CCDC7: variants seen among roughly 807,000 people sequenced by gnomAD.
CCDC7 encodes the protein coiled-coil domain containing 7, also known as coiled-coil domain-containing protein 7.
Under a neutral mutation model 196.9 loss-of-function variants are expected in CCDC7, and 183 were observed. The observed-to-expected ratio is 0.93, with a 90% CI of 0.82 to 1.05. The LOEUF (loss-of-function observed/expected upper bound fraction) is 1.05, where lower values mean the gene tolerates loss of function less well. CCDC7 is among the 50% of genes least tolerant of loss of function. CCDC7 has a pLI of 0.00. For missense variants in CCDC7, 1,540 were observed against 1,482.2 expected (o/e 1.04, Z -0.64); for synonymous variants, 525 against 484.6 (o/e 1.08, Z -1.10).
At chr10:32,761,676 C>T (rs908692728) in intron 28 of CCDC7, among the ~76,000 whole-genome samples, 6 of 151,966 alleles carry the variant, frequency 3.9e-5, no homozygotes, top group Admixed American at 2.6e-4. Flanking sequence ...TCCAGAGTCT[C>T]ATCCTGTGAG....
At chr10:32,492,715 C>T (rs1438636757) in intron 9 of CCDC7, among the ~76,000 whole-genome samples, 3 of 151,992 alleles carry the variant, frequency 2.0e-5, no homozygotes, top group African/African-American at 4.8e-5. Context: ...TTGTTTGATG[C>T]ACACAAAGCT....
At chr10:32,557,197 T>C (rs1589841050) in intron 13 of CCDC7, among the ~76,000 whole-genome samples, 1 of 152,110 alleles carries the variant, frequency 6.6e-6, no homozygotes, top group East Asian at 1.9e-4. Context: ...TTCATTTTTT[T>C]CTGCTGAGAA....
At chr10:32,502,471 G>A (rs996284515) in intron 9 of CCDC7, among the ~76,000 whole-genome samples, 4 of 152,020 alleles carry the variant, frequency 2.6e-5, no homozygotes, top group South Asian at 2.1e-4. Flanking sequence ...TGTTGATCTC[G>A]CTGGGAGCTG....
intron 32 of CCDC7, among the ~76,000 whole-genome samples, chr10:32,826,116 G>A (rs1430775617): frequency 2.0e-5 from 3 of 152,154 alleles, no homozygotes; most frequent in African/African-American, 7.2e-5. Flanking sequence ...GCAAGATAAT[G>A]TTTATTCTCC....
chr10:32,715,714 G>C (rs1039279044), intron 25 of CCDC7, among the ~76,000 whole-genome samples: 1 of 152,138 alleles, frequency 6.6e-6, no homozygotes, highest in African/African-American at 2.4e-5. Flanking sequence ...TAAATGACCC[G>C]ATGGAGCTGA....
chr10:32,510,201 C>A (rs1171729695), intron 9 of CCDC7, among the ~76,000 whole-genome samples: 1 of 152,134 alleles, frequency 6.6e-6, no homozygotes, highest in Non-Finnish European at 1.5e-5. Context: ...ATTAGAAAAT[C>A]CTTCCATTTG....
At chr10:32,818,548 C>A (rs1328112637) in intron 31 of CCDC7, among the ~76,000 whole-genome samples, 11 of 152,162 alleles carry the variant, frequency 7.2e-5, no homozygotes, top group African/African-American at 2.7e-4. Context: ...CTTTTCAGCA[C>A]CACACCACAC....
chr10:32,828,328 G>T (rs2091450002), intron 32 of CCDC7, among the ~76,000 whole-genome samples: 1 of 151,716 alleles, frequency 6.6e-6, no homozygotes, highest in Non-Finnish European at 1.5e-5. Context: ...GAACTCTTGA[G>T]ACTGTTCCCT....
chr10:32,606,541 G>A (rs554428178), intron 18 of CCDC7, among the ~76,000 whole-genome samples: 2 of 152,344 alleles, frequency 1.3e-5, no homozygotes, highest in South Asian at 4.1e-4. Flanking sequence ...AGCCACAGGG[G>A]CAGAGCTGCC....
intron 38 of CCDC7, 112 bp downstream of exon 39, chr10:32,848,028 T>C: frequency 1.8e-6 from 1 of 560,378 alleles, no homozygotes. Context: ...GGCAAATGTC[T>C]TCATGAATTT....
intron 18 of CCDC7, among the ~76,000 whole-genome samples, chr10:32,602,927 A>G (rs1312642821): frequency 6.6e-6 from 1 of 152,144 alleles, no homozygotes; most frequent in East Asian, 1.9e-4. Context: ...GATATTCATC[A>G]CCTCAAACAT....
chr10:32,446,880 C>G (rs1442338676), upstream of CCDC7, among the ~76,000 whole-genome samples: 1 of 105,540 alleles, frequency 9.5e-6, no homozygotes, highest in Non-Finnish European at 2.3e-5. Context: ...ACCAAGTGAG[C>G]GTTGCCTGCC....
intron 20 of CCDC7, among the ~76,000 whole-genome samples, chr10:32,638,671 G>C (rs904559325): frequency 9.2e-5 from 14 of 152,268 alleles, no homozygotes; most frequent in East Asian, 1.9e-4. Context: ...TGTTCATCAA[G>C]GATATTGGTC....
Position 32,662,659 on chromosome 10 carries a change from A to T in CCDC7, c.2015-1395A>T, listed in dbSNP as rs535588271. On this transcript the variant is annotated intron_variant, in intron 20 of 41. Coordinates refer to ENST00000639629, the Ensembl canonical transcript of CCDC7. ...ACAAATGGTCCAGGAGTGAGTGCCC[A>T]GTTACATTTTTACATCACTCTGACT... Among the ~76,000 whole-genome samples, 44 of 152,294 alleles carry T rather than the reference A, an allele frequency of 2.9e-4. No homozygotes were observed. The South Asian group carries it at 6.0e-3, about 21-fold the overall frequency.
chr10:32,534,708 C>T (rs1016228149), intron 11 of CCDC7, among the ~76,000 whole-genome samples: 3 of 151,860 alleles, frequency 2.0e-5, no homozygotes, highest in Non-Finnish European at 4.4e-5. Context: ...GAAGGCTGGC[C>T]AGGGATTTGG....
At chr10:32,658,507 CA>C (rs1207208668) in intron 20 of CCDC7, among the ~76,000 whole-genome samples, 2 of 152,126 alleles carry the variant, frequency 1.3e-5, no homozygotes, top group African/African-American at 4.8e-5. Context: ...TTGGCGCCCT[CA>C]TCATTCAATT....
intron 18 of CCDC7, among the ~76,000 whole-genome samples, chr10:32,613,666 A>G (rs1281246901): frequency 1.3e-5 from 2 of 152,056 alleles, no homozygotes; most frequent in African/African-American, 4.8e-5. Flanking sequence ...TAATTTTGTT[A>G]TTTACACAGT....
At chr10:32,847,776 T>C (rs2093369435) in intron 37 of CCDC7, 57 bp from the exon 39 acceptor site, 1 of 1,005,978 alleles carries the variant, frequency 9.9e-7, no homozygotes, top group Non-Finnish European at 1.5e-6. Flanking sequence ...CTAAAATACA[T>C]GTGTAACATA....
intron 39 of CCDC7, among the ~76,000 whole-genome samples, chr10:32,849,487 G>A (rs1028122244): frequency 5.3e-5 from 8 of 151,778 alleles, no homozygotes; most frequent in South Asian, 2.1e-4. Flanking sequence ...GGCAGATCAC[G>A]AGGTCAAGAG....
Sources: gnomAD v4.1 joint callset for allele counts (sites outside exome capture counted in the v4.1 genomes callset) on GRCh38, gnomAD v4.1.1 for gene constraint, MANE v1.5 for transcripts, NCBI Gene and HGNC (gene_info 2026-07-23, HGNC 2026-07-21) for gene names.